HMGCLL1: variants seen among roughly 807,000 people sequenced by gnomAD.
The protein encoded by HMGCLL1 is 3-hydroxymethyl-3-methylglutaryl-CoA lyase, cytoplasmic.
Under a neutral mutation model 39.1 loss-of-function variants are expected in HMGCLL1, and 36 were observed. That is an observed-to-expected ratio of 0.92 (90% CI 0.71 to 1.22). The LOEUF is 1.22. Ranked by LOEUF, HMGCLL1 falls within the 50% of genes most tolerant of loss-of-function variation. The pLI is 0.00. For synonymous variants in HMGCLL1, 149 were observed against 144.0 expected (o/e 1.03, Z -0.25); for missense variants, 451 against 416.5 (o/e 1.08, Z -0.72).
intron 7 of HMGCLL1, among the ~76,000 whole-genome samples, chr6:55,468,443 T>C (rs2127401276): frequency 6.6e-6 from 1 of 152,100 alleles, no homozygotes; most frequent in Non-Finnish European, 1.5e-5. Flanking sequence ...CATCCAATTA[T>C]AATACCTATC....
the HMGCLL1 span, among the ~76,000 whole-genome samples, chr6:55,645,614 T>C: frequency 3.3e-5 from 5 of 151,996 alleles, no homozygotes; most frequent in East Asian, 1.9e-4. Flanking sequence ...GGAAGGGATA[T>C]TGAACTTTAT....
chr6:55,480,634 G>A (rs1476538669), intron 7 of HMGCLL1, among the ~76,000 whole-genome samples: 1 of 151,616 alleles, frequency 6.6e-6, no homozygotes, highest in Non-Finnish European at 1.5e-5. Flanking sequence ...ACTGCTATGT[G>A]TATATTCAAA....
chr6:55,594,981 T>C, the HMGCLL1 span, among the ~76,000 whole-genome samples: 20 of 152,210 alleles, frequency 1.3e-4, no homozygotes, highest in Admixed American at 9.8e-4. Flanking sequence ...TCTACAACTG[T>C]TTTTTGGCTT....
chr6:55,447,213 AC>A (rs1763892852), intron 7 of HMGCLL1, among the ~76,000 whole-genome samples: 1 of 151,978 alleles, frequency 6.6e-6, no homozygotes, highest in East Asian at 1.9e-4. Context: ...TATATGAGCT[AC>A]TGTACCACCT....
At chr6:55,491,037 T>C in intron 7 of HMGCLL1, among the ~76,000 whole-genome samples, 1 of 152,084 alleles carries the variant, frequency 6.6e-6, no homozygotes, top group East Asian at 1.9e-4. Flanking sequence ...TCCAACCACA[T>C]GTATTGTTAT....
chr6:55,532,015 C>T (rs1014207394), intron 3 of HMGCLL1, among the ~76,000 whole-genome samples: 1 of 152,032 alleles, frequency 6.6e-6, no homozygotes, highest in Non-Finnish European at 1.5e-5. Context: ...CTGGAAACTA[C>T]CTCCCACCTC....
At chr6:55,552,424 C>T (rs1770389432) in intron 1 of HMGCLL1, among the ~76,000 whole-genome samples, 1 of 151,966 alleles carries the variant, frequency 6.6e-6, no homozygotes, top group Admixed American at 6.6e-5. Flanking sequence ...ATTCAGGTAT[C>T]TACTATCAAT....
At chr6:55,651,247 G>A in the HMGCLL1 span, among the ~76,000 whole-genome samples, 13 of 152,064 alleles carry the variant, frequency 8.5e-5, no homozygotes, top group African/African-American at 2.9e-4. Flanking sequence ...TAGTCAGAAC[G>A]TGATAAATCT....
intron 7 of HMGCLL1, among the ~76,000 whole-genome samples, chr6:55,449,268 A>ATTG (rs1310858463): frequency 2.6e-5 from 4 of 152,186 alleles, no homozygotes; most frequent in Admixed American, 2.6e-4. Context: ...ACTACAGTCT[A>ATTG]GCCAATGGCA....
chr6:55,622,534 T>C, the HMGCLL1 span, among the ~76,000 whole-genome samples: 1 of 152,098 alleles, frequency 6.6e-6, no homozygotes, highest in Admixed American at 6.6e-5. Flanking sequence ...GATCATATAG[T>C]TTTTGTCCTT....
Position 55,562,968 on chromosome 6 carries a change from T to C in HMGCLL1, c.108+15980A>G, listed in dbSNP as rs139279592. Among the ~76,000 whole-genome samples the C allele has an allele frequency of 3.3e-3, 498 of 152,108 alleles. 5 individuals are homozygous for C. The highest frequency in any genetic ancestry group is 0.011 in the African/African-American group (470 of 41,508). The stretch of plus-strand genomic sequence containing the variant: ...TGATATACTACCATTTACCCAACAA[T>C]AGTAAATATGTCCATATATAAATAT... On this transcript the variant is annotated intron_variant, in intron 1 of 8. Coordinates refer to ENST00000274901, the MANE Select transcript of HMGCLL1 (RefSeq NM_001042406.2).
chr6:55,576,522 T>C (rs1211273210), intron 1 of HMGCLL1, among the ~76,000 whole-genome samples: 1 of 152,204 alleles, frequency 6.6e-6, no homozygotes, highest in Non-Finnish European at 1.5e-5. Context: ...AGAAATAGCA[T>C]TATTTTATTT....
At chr6:55,478,778 ATC>A (rs1447327308) in intron 7 of HMGCLL1, among the ~76,000 whole-genome samples, 6 of 151,366 alleles carry the variant, frequency 4.0e-5, no homozygotes, top group African/African-American at 1.5e-4. Flanking sequence ...CAGCTTGTTG[ATC>A]TAATTACCAA....
At chr6:55,586,519 T>C in the HMGCLL1 span, among the ~76,000 whole-genome samples, 2 of 151,964 alleles carry the variant, frequency 1.3e-5, no homozygotes, top group Non-Finnish European at 2.9e-5. Flanking sequence ...ACATTAGGTA[T>C]ATCTCCTAAT....
the HMGCLL1 span, among the ~76,000 whole-genome samples, chr6:55,672,476 T>A: frequency 6.6e-6 from 1 of 151,858 alleles, no homozygotes; most frequent in African/African-American, 2.4e-5. Context: ...CCTATACTAT[T>A]TTCCTTTAAA....
At chr6:55,500,211 G>A (rs1361563727) in intron 5 of HMGCLL1, among the ~76,000 whole-genome samples, 4 of 151,924 alleles carry the variant, frequency 2.6e-5, no homozygotes, top group Non-Finnish European at 4.4e-5. Flanking sequence ...GCCTTTGAAC[G>A]CCATTCCAAG....
chr6:55,477,263 T>A (rs868561835), intron 7 of HMGCLL1, among the ~76,000 whole-genome samples: 19 of 20,780 alleles, frequency 9.1e-4, no homozygotes, highest in East Asian at 3.5e-3. Context: ...TAATATATAT[T>A]ATATAATATA....
the HMGCLL1 span, among the ~76,000 whole-genome samples, chr6:55,662,807 G>A: frequency 2.0e-5 from 3 of 151,634 alleles, no homozygotes; most frequent in Non-Finnish European, 4.4e-5. Flanking sequence ...GAATCCATCT[G>A]ACCCTGGGTT....
At chr6:55,515,386 A>T (rs10807494) in intron 4 of HMGCLL1, among the ~76,000 whole-genome samples, 1 of 152,028 alleles carries the variant, frequency 6.6e-6, no homozygotes, top group African/African-American at 2.4e-5. Flanking sequence ...TAAAAACTCT[A>T]TTAGTGAACA....
Sources: gnomAD v4.1 joint callset for allele counts (sites outside exome capture counted in the v4.1 genomes callset) on GRCh38, gnomAD v4.1.1 for gene constraint, MANE v1.5 for transcripts, NCBI Gene and HGNC (gene_info 2026-07-23, HGNC 2026-07-21) for gene names.